Variants in NEK11 observed in about 807,000 individuals in gnomAD.
The protein encoded by NEK11 is serine/threonine-protein kinase Nek11.
A neutral mutation model predicts 80.7 loss-of-function variants in NEK11; 72 were observed. The observed-to-expected ratio is 0.89, with a 90% CI of 0.74 to 1.08. NEK11 has a LOEUF of 1.08. Among genes scored for constraint, NEK11 ranks in the 50% least tolerant of loss-of-function variants. The pLI is 0.00. For missense variants in NEK11, 764 were observed against 763.6 expected, an observed-to-expected ratio of 1.00 and a Z score of -0.01; for synonymous variants, 251 against 260.7, an observed-to-expected ratio of 0.96 and a Z score of 0.36.
chr3:131,243,845 T>C (rs1390965050), intron 16 of NEK11, among the ~76,000 whole-genome samples: 1 of 152,076 alleles, frequency 6.6e-6, no homozygotes, highest in Non-Finnish European at 1.5e-5. Flanking sequence ...CACAGTACAT[T>C]CAGTTAAGCT....
chr3:131,329,589 C>G (rs1406912219), intron 17 of NEK11: 1 of 151,702 alleles, frequency 6.6e-6, no homozygotes, highest in East Asian at 1.9e-4. Flanking sequence ...GAAGAAAATA[C>G]AAAAGCAGAG....
At chr3:131,168,277 CTTG>C (rs1449126807) in intron 12 of NEK11, among the ~76,000 whole-genome samples, 3 of 152,008 alleles carry the variant, frequency 2.0e-5, no homozygotes, top group Non-Finnish European at 4.4e-5. Flanking sequence ...GCCTATGAAT[CTTG>C]TTAAGATGCA....
intron 3 of NEK11, among the ~76,000 whole-genome samples, chr3:131,054,748 C>CTAAATAAATAAA (rs538450777): frequency 1.7e-3 from 225 of 132,684 alleles, no homozygotes; most frequent in Admixed American, 3.4e-3. Flanking sequence ...CAGCCTGCCT[C>CTAAATAAATAAA]TAAATAAATA....
At chr3:131,262,302 C>G (rs1350654361) in intron 16 of NEK11, among the ~76,000 whole-genome samples, 8 of 152,114 alleles carry the variant, frequency 5.3e-5, no homozygotes, top group Non-Finnish European at 1.2e-4. Flanking sequence ...GGGAGAATCA[C>G]TTGAGCCTAG....
At chr3:131,211,261 G>T (rs1375191109) in intron 14 of NEK11, among the ~76,000 whole-genome samples, 2 of 152,186 alleles carry the variant, frequency 1.3e-5, no homozygotes, top group African/African-American at 4.8e-5. Context: ...TGAAATTCTA[G>T]GTTGAACATT....
At chr3:131,134,939 T>C (rs2085272106) in intron 7 of NEK11, among the ~76,000 whole-genome samples, 3 of 152,162 alleles carry the variant, frequency 2.0e-5, no homozygotes, top group Admixed American at 1.3e-4. Flanking sequence ...TGTTGAGGGT[T>C]GAAAGAACAA....
At chr3:131,104,035 G>A (rs769455096) in intron 4 of NEK11, among the ~76,000 whole-genome samples, 17 of 152,346 alleles carry the variant, frequency 1.1e-4, no homozygotes, top group Non-Finnish European at 2.1e-4. Flanking sequence ...GGGCAGCTGT[G>A]CTGTGGGCCC....
At chr3:131,282,510 T>C (rs560048647) in intron 17 of NEK11, among the ~76,000 whole-genome samples, 3 of 152,336 alleles carry the variant, frequency 2.0e-5, no homozygotes, top group Admixed American at 6.5e-5. Flanking sequence ...GTGTCATAGA[T>C]GCCTGTTCTC....
chr3:131,133,217 G>A, intron 6 of NEK11: 1 of 453,270 alleles, frequency 2.2e-6, no homozygotes, highest in Non-Finnish European at 4.4e-6. Flanking sequence ...TAATGAAAAT[G>A]TTGATATAAT....
intron 7 of NEK11, among the ~76,000 whole-genome samples, chr3:131,141,203 T>G (rs959163778): frequency 6.6e-6 from 1 of 152,196 alleles, no homozygotes; most frequent in Non-Finnish European, 1.5e-5. Context: ...GTTTCTGTCC[T>G]CAAAGGAATG....
At chr3:131,112,656 T>C (rs2080325035) in intron 5 of NEK11, among the ~76,000 whole-genome samples, 1 of 152,154 alleles carries the variant, frequency 6.6e-6, no homozygotes, top group African/African-American at 2.4e-5. Context: ...ATGTTTTCAT[T>C]TGGAGAATCA....
intron 14 of NEK11, among the ~76,000 whole-genome samples, chr3:131,179,373 G>A (rs567553766): frequency 6.6e-6 from 1 of 152,276 alleles, no homozygotes; most frequent in East Asian, 1.9e-4. Context: ...AGTTTCCTAT[G>A]CAGATTTCAA....
At chr3:131,243,777 T>C (rs1419595189) in intron 16 of NEK11, among the ~76,000 whole-genome samples, 1 of 152,070 alleles carries the variant, frequency 6.6e-6, no homozygotes, top group African/African-American at 2.4e-5. Context: ...ATAACAAGTT[T>C]GTGCAGTTTC....
At chr3:131,241,474 G>A (rs2095518457) in intron 15 of NEK11, among the ~76,000 whole-genome samples, 1 of 151,974 alleles carries the variant, frequency 6.6e-6, no homozygotes, top group Non-Finnish European at 1.5e-5. Flanking sequence ...AAAAAAGTCT[G>A]AACAATATTG....
intron 7 of NEK11, among the ~76,000 whole-genome samples, chr3:131,143,126 T>C (rs894604686): frequency 3.9e-5 from 6 of 152,170 alleles, no homozygotes; most frequent in African/African-American, 1.4e-4. Flanking sequence ...GTGGCTATTG[T>C]TTGTAGAAAT....
chr3:131,217,824 G>T (rs989376118), intron 14 of NEK11, among the ~76,000 whole-genome samples: 2 of 152,086 alleles, frequency 1.3e-5, no homozygotes, highest in Non-Finnish European at 2.9e-5. Context: ...TTATAAAAGC[G>T]AATCTTTCTA....
intron 5 of NEK11, among the ~76,000 whole-genome samples, chr3:131,130,854 T>A (rs1408749840): frequency 6.6e-6 from 1 of 152,116 alleles, no homozygotes; most frequent in Non-Finnish European, 1.5e-5. Flanking sequence ...CAGGCTGGAG[T>A]GCAGTGGGGT....
At chr3:131,111,971 T>C (rs942616807) in intron 5 of NEK11, among the ~76,000 whole-genome samples, 1 of 152,124 alleles carries the variant, frequency 6.6e-6, no homozygotes, top group Non-Finnish European at 1.5e-5. Flanking sequence ...CCTGGAATTA[T>C]TTTATATTGT....
At chr3:131,123,715 A>G (rs181674940) in intron 5 of NEK11, among the ~76,000 whole-genome samples, 2 of 151,686 alleles carry the variant, frequency 1.3e-5, no homozygotes, top group Admixed American at 1.3e-4. Context: ...GTTTCTTTGG[A>G]ATGTTTTACT....
Sources: gnomAD v4.1 joint callset for allele counts (sites outside exome capture counted in the v4.1 genomes callset) on GRCh38, gnomAD v4.1.1 for gene constraint, MANE v1.5 for transcripts, NCBI Gene and HGNC (gene_info 2026-07-23, HGNC 2026-07-21) for gene names.